Variants in DACT1 observed in about 807,000 individuals in gnomAD.
The protein encoded by DACT1 is dapper homolog 1.
In DACT1, 19 loss-of-function variants were observed where a neutral mutation model predicts 35.3. That is an observed-to-expected ratio of 0.54 (90% CI 0.38 to 0.79). The LOEUF is 0.79. DACT1 is among the 30% of genes least tolerant of loss of function. DACT1 has a pLI of 0.00. For synonymous variants in DACT1, 545 were observed against 466.7 expected, an observed-to-expected ratio of 1.17 and a Z score of -2.16; for missense variants, 1,143 against 1,057.5, an observed-to-expected ratio of 1.08 and a Z score of -1.12.
At position 58,646,394 on chromosome 14, in the gene DACT1, C is replaced by T. The variant is rs369268433; in HGVS notation, c.1660C>T (p.Leu554Phe). ...NSSLKHRGPA[L>F]QGLENGLPTV... is the part of the protein sequence containing the mutation. ...CAGCCTGAAGCACCGCGGCCCAGCC[C>T]TCCAGGGGCTGGAGAACGGCTTGCC... is the stretch of plus-strand genomic sequence containing the variant. The change falls in exon 4 of 4, where the codon CTC becomes TTC. Residue 554 changes from leucine (L) to phenylalanine (F), a missense_variant. By Grantham distance (22) the Leu-to-Phe change is conservative. Coordinates refer to ENST00000395153, the MANE Select transcript of DACT1 (RefSeq NM_001079520.2). The T allele has an allele frequency of 5.3e-5, 85 of 1,603,252 alleles. No homozygotes were observed. In the African/African-American group the frequency reaches 7.4e-4, roughly 14 times the overall value.
intron 3 of DACT1, 149 bp from the exon 4 acceptor site, chr14:58,645,220 A>G (rs1162779203): frequency 6.4e-7 from 1 of 1,556,766 alleles, no homozygotes; most frequent in Admixed American, 1.7e-5. Context: ...GTGCTGACCA[A>G]TTCATTTCTT....
Position 58,638,443 on chromosome 14 carries a change from G to A in DACT1, c.241G>A (p.Ala81Thr), listed in dbSNP as rs754034136. The change falls in exon 1 of 4, where the codon GCC becomes ACC. Residue 81 changes from alanine to threonine, a missense_variant. Transcript: ENST00000395153. Reference sequence around the variant, plus strand: ...CCTGCGCGGCGCCGGGGGTGCGGGAGCCGCTGCGCCCCGCGCTGGGGAGCT... The same window carrying A: ...CCTGCGCGGCGCCGGGGGTGCGGGAACCGCTGCGCCCCGCGCTGGGGAGCT... ...GALRGAGGAG[A>T]AAPRAGELLG... The A allele has an allele frequency of 1.5e-6, 2 of 1,340,592 alleles. No homozygotes were observed. Among genetic ancestry groups the A allele is most frequent in the Non-Finnish European group, 9.6e-7 (1 of 1,042,470 alleles). 83.0% of individuals were successfully genotyped at this position (1,340,592 alleles called of 1,614,324 possible). A position where few individuals can be genotyped will look rare whatever the true frequency, so the allele number is the denominator to read the frequency against.
Position 58,646,777 on chromosome 14 carries a change from C to T in DACT1, c.2043C>T (p.Ala681=). Reference sequence around the variant, plus strand: ...CTCTGCCCTACGCCAGCCCCTACGCCTACGTGGCTAGCGACTCCGAGTACT... The same window carrying T: ...CTCTGCCCTACGCCAGCCCCTACGCTTACGTGGCTAGCGACTCCGAGTACT... ...PVPLPYASPY[A]YVASDSEYSA... The change falls in exon 4 of 4, where the codon GCC becomes GCT. Residue 681 remains alanine (A), a synonymous_variant. Coordinates refer to ENST00000395153, the MANE Select transcript of DACT1 (RefSeq NM_001079520.2). 1 of 1,614,170 alleles carries T rather than the reference C, an allele frequency of 6.2e-7. No homozygotes were observed. The highest frequency in any genetic ancestry group is 8.5e-7 in the Non-Finnish European group (1 of 1,180,032).
Position 58,646,440 on chromosome 14 carries a change from G to A in DACT1, c.1706G>A (p.Arg569Gln), listed in dbSNP as rs897428546. ...TTGCCCACCGTCAGGGAGAAAACGC[G>A]GGCCGGGAGCAAGAAGTGTCGCTTC... is the stretch of plus-strand genomic sequence containing the variant. ...NGLPTVREKT[R>Q]AGSKKCRFPD... The change falls in exon 4 of 4, where the codon CGG (arginine) becomes CAG (glutamine). Residue 569 changes from arginine to glutamine, a missense_variant. Around this residue, in one of 3 missense-constraint regions of DACT1, gnomAD observed 1,054 missense variants for 958.8 expected, o/e 1.10. Transcript: ENST00000395153. The A allele has an allele frequency of 6.3e-7, 1 of 1,588,878 alleles. No individual in the cohort carries two copies. The highest frequency in any genetic ancestry group is 1.9e-5 in the Admixed American group (1 of 52,946).
intron 3 of DACT1, among the ~76,000 whole-genome samples, chr14:58,642,462 C>T (rs895818071): frequency 1.8e-4 from 27 of 149,248 alleles, no homozygotes; most frequent in African/African-American, 5.5e-4. Context: ...CCAGCCTGGG[C>T]GGCAGAGAGA....
chr14:58,646,633 G>T lies in DACT1; in HGVS notation c.1899G>T (p.Lys633Asn), dbSNP rs754847137. ...HGREAVVAKP[K>N]HKRTDYRRWK... The stretch of plus-strand genomic sequence containing the variant: ...GGGAGGCGGTGGTGGCCAAACCTAA[G>T]CACAAGCGAACTGACTACCGGCGGT... Residue 633 changes from lysine to asparagine, a missense_variant, in exon 4 of 4, where the codon AAG becomes AAT. This residue lies in a region of DACT1 where 1,054 missense variants were observed against 958.8 expected (regional missense o/e 1.10). Transcript: ENST00000395153. The T allele has an allele frequency of 6.2e-7, 1 of 1,611,098 alleles. No homozygotes were observed. The highest frequency in any genetic ancestry group is 8.5e-7 in the Non-Finnish European group (1 of 1,179,030).
In DACT1 at chr14:58,646,941, C is replaced by T. The variant is rs2047696489; in HGVS notation, c.2207C>T (p.Thr736Ile). Residue 736 changes from threonine to isoleucine, a missense_variant, in exon 4 of 4, where the codon ACC becomes ATC. By Grantham distance (89) the Thr-to-Ile change is moderately conservative (BLOSUM62 -1). Around this residue, in one of 3 missense-constraint regions of DACT1, gnomAD observed 1,054 missense variants for 958.8 expected, o/e 1.10. Transcript: ENST00000395153. ...EGEFVGESTT[T>I]SDSEESGGLI... is the part of the protein sequence containing the mutation. ...GAGTTCGTGGGGGAGAGCACAACCA[C>T]CAGCGACTCTGAAGAAAGCGGGGGC... 4 of 1,614,090 alleles carry T rather than the reference C, an allele frequency of 2.5e-6. No individual in the cohort carries two copies. Among genetic ancestry groups the T allele is most frequent in the Non-Finnish European group, 3.4e-6 (4 of 1,180,050 alleles).
rs954896097 is a variant in DACT1 at position 58,647,784 on chromosome 14, C to T, written c.*650C>T. The T allele has an allele frequency of 2.4e-5, 4 of 167,180 alleles. No individual in the cohort carries two copies. The highest frequency in any genetic ancestry group is 9.6e-5 in the African/African-American group (4 of 41,454). The allele number at this position is 167,180 out of a possible 1,614,324, so 10.4% of individuals were successfully genotyped here. A position where few individuals can be genotyped will look rare whatever the true frequency, so the allele number is the denominator to read the frequency against. On this transcript the variant is annotated 3_prime_UTR_variant, in exon 4 of 4. Coordinates refer to ENST00000395153, the MANE Select transcript of DACT1 (RefSeq NM_001079520.2). ...CTTTTGCCACACTTGGTGCCTAGGCCCTGTTCCTAATAACCCCTTCTAGGG... is the reference window on the plus strand; with the variant it reads ...CTTTTGCCACACTTGGTGCCTAGGCTCTGTTCCTAATAACCCCTTCTAGGG...
intron 1 of DACT1, chr14:58,639,067 G>A (rs371980494): frequency 2.0e-6 from 2 of 985,256 alleles, no homozygotes; most frequent in East Asian, 1.1e-4. Context: ...GTGCCTCTCC[G>A]AGAGCTCTCC....
At position 58,645,792 on chromosome 14, in the gene DACT1, T is replaced by C. The variant is rs202057128; in HGVS notation, c.1058T>C (p.Val353Ala). Residue 353 changes from valine to alanine, a missense_variant, in exon 4 of 4, where the codon GTG (valine) becomes GCG (alanine). Physicochemically the swap from Val to Ala is moderately conservative, Grantham distance 64. Around this residue, in one of 3 missense-constraint regions of DACT1, gnomAD observed 1,054 missense variants for 958.8 expected, o/e 1.10. Coordinates refer to ENST00000395153, the MANE Select transcript of DACT1 (RefSeq NM_001079520.2). ...APGGVSQGNS[V>A]NLKNSKQACL... ...GGCGGTGTCTCACAGGGCAACAGTG[T>C]GAACCTTAAGAATTCGAAACAGGCG... 130 of 1,614,262 alleles carry C rather than the reference T, an allele frequency of 8.1e-5. No homozygotes were observed. In the East Asian group the frequency reaches 2.8e-3, roughly 35 times the overall value.
upstream of DACT1, among the ~76,000 whole-genome samples, chr14:58,634,483 T>C (rs771329380): frequency 1.1e-4 from 17 of 152,222 alleles, no homozygotes; most frequent in South Asian, 6.2e-4. Context: ...AATTAGTTTA[T>C]ATATGAAGTT....
chr14:58,646,326 G>A lies in DACT1; in HGVS notation c.1592G>A (p.Arg531Lys), dbSNP rs1215157114. The A allele has an allele frequency of 6.2e-7, 1 of 1,609,562 alleles. No homozygotes were observed. The highest frequency in any genetic ancestry group is 8.5e-7 in the Non-Finnish European group (1 of 1,178,918). ...ATCCCGGGGCAGCAGCCCAGTGTCA[G>A]GCTCCACCGGGGCCACAGGAACATG... The part of the protein sequence containing the change: ...QFIPGQQPSV[R>K]LHRGHRNMGV... Residue 531 changes from arginine to lysine, a missense_variant, in exon 4 of 4, where the codon AGG becomes AAG. Arg to Lys is a conservative substitution (Grantham distance 26). Around this residue, in one of 3 missense-constraint regions of DACT1, gnomAD observed 1,054 missense variants for 958.8 expected, o/e 1.10. Transcript: ENST00000395153.
Position 58,646,085 on chromosome 14 carries a change from G to C in DACT1, c.1351G>C (p.Glu451Gln). The change falls in exon 4 of 4, where the codon GAG (glutamate) becomes CAG (glutamine). Residue 451 changes from glutamate to glutamine, a missense_variant. By Grantham distance (29) the Glu-to-Gln change is conservative. Coordinates refer to ENST00000395153, the MANE Select transcript of DACT1 (RefSeq NM_001079520.2). ...TCAGCTCTCAGGGGCCTCTCCAAAA[G>C]AGAGTCCTAGCAGAGGCCCTGCCCC... ...SAQLSGASPK[E>Q]SPSRGPAPPQ... 3.1e-6 allele frequency: 5 copies of C among 1,613,482 alleles called. No individual in the cohort carries two copies. Among genetic ancestry groups the C allele is most frequent in the Non-Finnish European group, 4.2e-6 (5 of 1,179,820 alleles).
In DACT1 at chr14:58,645,445, T is replaced by C. The variant is rs147388110; in HGVS notation, c.711T>C (p.His237=). 4.5e-5 allele frequency: 72 copies of C among 1,614,222 alleles called. No homozygotes were observed. In the Middle Eastern group the frequency reaches 6.6e-4, roughly 15 times the overall value. Reference sequence around the variant, plus strand: ...TATATCGCTATCCCAGTCCACTTCATGCTGTGGCTGTGCAGAGCCCAATGT... The same window carrying C: ...TATATCGCTATCCCAGTCCACTTCACGCTGTGGCTGTGCAGAGCCCAATGT... ...NDVYRYPSPL[H]AVAVQSPMFL... Residue 237 remains histidine (H), a synonymous_variant, in exon 4 of 4, where the codon CAT becomes CAC. Coordinates refer to ENST00000395153, the MANE Select transcript of DACT1 (RefSeq NM_001079520.2).
intron 3 of DACT1, 42 bp from the exon 4 acceptor site, chr14:58,645,326 TC>T: frequency 6.2e-7 from 1 of 1,614,166 alleles, no homozygotes; most frequent in South Asian, 1.1e-5. Context: ...AGTTTGCCGT[TC>T]CCTCTCCACA....
Position 58,646,284 on chromosome 14 carries a change from T to C in DACT1, c.1550T>C (p.Leu517Pro), listed in dbSNP as rs1160387290. The C allele has an allele frequency of 2.5e-6, 4 of 1,612,610 alleles. No individual in the cohort carries two copies. Among genetic ancestry groups the C allele is most frequent in the South Asian group, 1.1e-5 (1 of 90,826 alleles). Residue 517 changes from leucine (L) to proline (P), a missense_variant, in exon 4 of 4, where the codon CTG becomes CCG. Physicochemically the swap from Leu to Pro is moderately conservative, Grantham distance 98 (BLOSUM62 -3). This residue lies in a region of DACT1 where 1,054 missense variants were observed against 958.8 expected (regional missense o/e 1.10). Coordinates refer to ENST00000395153, the MANE Select transcript of DACT1 (RefSeq NM_001079520.2). Reference sequence around the variant, plus strand: ...TCCCAAAGCCTGGAGGAAGCGCACCTGGTCAAGGCCCAGTTTATCCCGGGG... The same window carrying C: ...TCCCAAAGCCTGGAGGAAGCGCACCCGGTCAAGGCCCAGTTTATCCCGGGG... Reference protein sequence around the residue: ...GSSQSLEEAHLVKAQFIPGQQ... With the variant: ...GSSQSLEEAHPVKAQFIPGQQ...
At position 58,638,391 on chromosome 14, in the gene DACT1, G is replaced by C; in HGVS notation, c.189G>C (p.Gln63His). The change falls in exon 1 of 4, where the codon CAG becomes CAC. Residue 63 changes from glutamine to histidine, a missense_variant. By Grantham distance (24) the Gln-to-His change is conservative. Coordinates refer to ENST00000395153, the MANE Select transcript of DACT1 (RefSeq NM_001079520.2). ...AGLAELEYLRQRQELLVRGAL... is the reference protein window; with the variant it reads ...AGLAELEYLRHRQELLVRGAL... ...TGGCGGAGCTGGAGTACCTGCGCCA[G>C]CGCCAAGAGCTGCTGGTCAGGGGCG... 1 of 1,301,024 alleles carries C rather than the reference G, an allele frequency of 7.7e-7. No individual in the cohort carries two copies. The highest frequency in any genetic ancestry group is 9.7e-7 in the Non-Finnish European group (1 of 1,026,650). The allele number at this position is 1,301,024 out of a possible 1,614,324, so 80.6% of individuals were successfully genotyped here.
At position 58,645,857 on chromosome 14, in the gene DACT1, A is replaced by T. The variant is rs199932678; in HGVS notation, c.1123A>T (p.Thr375Ser). 6.2e-7 allele frequency: 1 copy of T among 1,614,116 alleles called. No homozygotes were observed. Residue 375 changes from threonine to serine, a missense_variant, in exon 4 of 4, where the codon ACA becomes TCA. Physicochemically the swap from Thr to Ser is moderately conservative, Grantham distance 58. Transcript: ENST00000395153. ...CGGGATACCTTCTCTGAACAATGGG[A>T]CATTCTCCCCACCGAAGCAGTGGTC... The part of the protein sequence containing the change: ...SGGIPSLNNG[T>S]FSPPKQWSKE...
rs1176722217 is a variant in DACT1 at position 58,638,467 on chromosome 14, C to A, written c.265C>A (p.Leu89Ile). Residue 89 changes from leucine (L) to isoleucine (I), a missense_variant, in exon 1 of 4, where the codon CTA (leucine) becomes ATA (isoleucine). Physicochemically the swap from Leu to Ile is conservative, Grantham distance 5. This residue lies in a region of DACT1 where 1,054 missense variants were observed against 958.8 expected (regional missense o/e 1.10). Coordinates refer to ENST00000395153, the MANE Select transcript of DACT1 (RefSeq NM_001079520.2). ...AGCCGCTGCGCCCCGCGCTGGGGAG[C>A]TACTGGGGGAGGCGGCGCAGCGCAG... ...AGAAAPRAGE[L>I]LGEAAQRSRL... 1 of 1,359,554 alleles carries A rather than the reference C, an allele frequency of 7.4e-7. No individual in the cohort carries two copies. The highest frequency in any genetic ancestry group is 9.5e-7 in the Non-Finnish European group (1 of 1,051,200). The allele number at this position is 1,359,554 out of a possible 1,614,324, so 84.2% of individuals were successfully genotyped here.
Sources: gnomAD v4.1 joint callset for allele counts (sites outside exome capture counted in the v4.1 genomes callset) on GRCh38, gnomAD v4.1.1 for gene constraint, gnomAD v4.1.1 regional missense constraint, MANE v1.5 for transcripts, NCBI Gene and HGNC (gene_info 2026-07-23, HGNC 2026-07-21) for gene names.